Variants in DNAH17 observed in about 807,000 individuals in gnomAD.
DNAH17 encodes dynein axonemal heavy chain 17, also known as axonemal beta dynein heavy chain 17.
A neutral mutation model predicts 485.6 loss-of-function variants in DNAH17; 376 were observed. The ratio of observed to expected loss-of-function variants is 0.77; its 90% CI spans 0.71 to 0.84. The LOEUF is 0.84. Ranked by LOEUF, DNAH17 falls within the 40% of genes least tolerant of loss-of-function variation. The pLI is 0.00. For missense variants in DNAH17, 6,370 were observed against 5,839.3 expected, an observed-to-expected ratio of 1.09 and a Z score of -2.96; for synonymous variants, 3,031 against 2,405.9, an observed-to-expected ratio of 1.26 and a Z score of -7.60.
intron 35 of DNAH17, 127 bp from the exon 36 acceptor site, chr17:78,500,588 A>C: frequency 1.2e-6 from 1 of 866,484 alleles, no homozygotes; most frequent in East Asian, 3.2e-5. Flanking sequence ...GGCTCACTGC[A>C]ACCTCTGCCT....
intron 63 of DNAH17, among the ~76,000 whole-genome samples, chr17:78,455,011 G>A (rs902230928): frequency 1.1e-4 from 16 of 152,136 alleles, no homozygotes; most frequent in Non-Finnish European, 1.9e-4. Flanking sequence ...TCGAGTTCAA[G>A]AGATTCTCCT....
chr17:78,542,143 ACTT>A (rs2091610963), intron 17 of DNAH17, among the ~76,000 whole-genome samples: 2 of 108,934 alleles, frequency 1.8e-5, no homozygotes, highest in African/African-American at 7.3e-5. Flanking sequence ...GCCCTAAAAT[ACTT>A]TTTTTTTTTT....
intron 13 of DNAH17, 22 bp downstream of exon 13, chr17:78,560,718 G>T: frequency 6.5e-7 from 1 of 1,533,654 alleles, no homozygotes; most frequent in African/African-American, 1.4e-5. Context: ...CCTTTGACGC[G>T]GTCCCCACTC....
chr17:78,504,559 G>A (rs776800469), intron 31 of DNAH17, among the ~76,000 whole-genome samples: 9 of 150,530 alleles, frequency 6.0e-5, no homozygotes, highest in Non-Finnish European at 1.0e-4. Context: ...GTTTTCTCGA[G>A]ATTTTTTTTT....
intron 75 of DNAH17, among the ~76,000 whole-genome samples, chr17:78,429,603 G>A (rs988318807): frequency 5.3e-5 from 8 of 152,178 alleles, no homozygotes; most frequent in Admixed American, 1.3e-4. Flanking sequence ...TGCACCTCCC[G>A]TGGGGCAGGT....
chr17:78,541,768 C>T (rs2091595752), intron 17 of DNAH17, among the ~76,000 whole-genome samples: 1 of 152,192 alleles, frequency 6.6e-6, no homozygotes, highest in African/African-American at 2.4e-5. Context: ...TGAAACTTTA[C>T]TAACCCTAAG....
chr17:78,442,633 T>C (rs2087117793), intron 71 of DNAH17, among the ~76,000 whole-genome samples: 1 of 150,904 alleles, frequency 6.6e-6, no homozygotes, highest in Non-Finnish European at 1.5e-5. Flanking sequence ...GCATGCAGGC[T>C]GGGTTCGTCA....
chr17:78,526,789 C>G, intron 23 of DNAH17, 52 bp from the exon 24 acceptor site: 6 of 1,561,970 alleles, frequency 3.8e-6, no homozygotes, highest in Non-Finnish European at 4.4e-6. Context: ...CCACCTGCCC[C>G]AAGGGTGGCC....
chr17:78,538,818 A>AC (rs2091447326), intron 18 of DNAH17, among the ~76,000 whole-genome samples: 1 of 151,790 alleles, frequency 6.6e-6, no homozygotes, highest in Non-Finnish European at 1.5e-5. Flanking sequence ...AACACCATCC[A>AC]CCCTCCCTGG....
chr17:78,570,636 G>T (rs1355498373), intron 6 of DNAH17, among the ~76,000 whole-genome samples: 1 of 151,964 alleles, frequency 6.6e-6, no homozygotes, highest in Non-Finnish European at 1.5e-5. Context: ...GAGGTGGGCG[G>T]ATCATGAGGT....
In DNAH17 at chr17:78,561,976, A is replaced by G. The variant is rs755517423; in HGVS notation, c.1574T>C (p.Leu525Pro). 19 of 1,590,442 alleles carry G rather than the reference A, an allele frequency of 1.2e-5. No homozygotes were observed. Among genetic ancestry groups the G allele is most frequent in the Admixed American group, 1.8e-5 (1 of 56,736 alleles). The change falls in exon 12 of 81, where the codon CTG (leucine) becomes CCG (proline). Residue 525 changes from leucine (L) to proline (P), a missense_variant. Transcript: ENST00000389840. ...CSCIKSSAKL[L>P]YMCGGLMERP... ...CTCCATGAGGCCCCCACACATGTAC[A>G]GGAGCTGAGGACAAAGGAGAAGGGG...
At chr17:78,472,538 A>C (rs942810863) in intron 54 of DNAH17, 1 of 283,476 alleles carries the variant, frequency 3.5e-6, no homozygotes, top group African/African-American at 2.3e-5. Flanking sequence ...GGCTTTCTTC[A>C]TGGGGCAGCC....
chr17:78,474,076 T>C (rs972435220), intron 54 of DNAH17, among the ~76,000 whole-genome samples: 1 of 152,142 alleles, frequency 6.6e-6, no homozygotes, highest in African/African-American at 2.4e-5. Context: ...CTCCCAGAGG[T>C]TGGCCGTCCC....
chr17:78,532,702 A>G lies in DNAH17; in HGVS notation c.2894T>C (p.Met965Thr). Residue 965 changes from methionine (M) to threonine (T), a missense_variant, in exon 20 of 81, where the codon ATG becomes ACG. Coordinates refer to ENST00000389840, the MANE Select transcript of DNAH17 (RefSeq NM_173628.4). ...DLEDNTDLIE[M>T]REEVSSLVIN... is the part of the protein sequence containing the mutation. ...GACCAGGCTGGACACCTCCTCCCTCATCTCTATGAGGTCTGTGTTATCTTC... is the reference window on the plus strand; with the variant it reads ...GACCAGGCTGGACACCTCCTCCCTCGTCTCTATGAGGTCTGTGTTATCTTC... 1 of 1,593,776 alleles carries G rather than the reference A, an allele frequency of 6.3e-7. No homozygotes were observed. Among genetic ancestry groups the G allele is most frequent in the Non-Finnish European group, 8.6e-7 (1 of 1,169,124 alleles).
chr17:78,479,094 T>C lies in DNAH17; in HGVS notation c.7923A>G (p.Ala2641=). 1.2e-6 allele frequency: 2 copies of C among 1,614,002 alleles called. No individual in the cohort carries two copies. Among genetic ancestry groups the C allele is most frequent in the Non-Finnish European group, 1.7e-6 (2 of 1,179,892 alleles). Residue 2641 remains alanine (A), a synonymous_variant, in exon 51 of 81, where the codon GCA becomes GCG. Transcript: ENST00000389840. The part of the protein sequence containing the change: ...AALALHQKIT[A]TFLPTAIKFH... ...ACTTAATGGCCGTGGGAAGAAATGTTGCCGTGATTTTCTGATGCAAAGCTG... is the reference window on the plus strand; with the variant it reads ...ACTTAATGGCCGTGGGAAGAAATGTCGCCGTGATTTTCTGATGCAAAGCTG...
intron 40 of DNAH17, among the ~76,000 whole-genome samples, 197 bp downstream of exon 40, chr17:78,494,396 T>C (rs1413702951): frequency 1.3e-5 from 2 of 151,690 alleles, no homozygotes; most frequent in Non-Finnish European, 2.9e-5. Flanking sequence ...CCAGCCTCAG[T>C]TGAGAGAGTG....
intron 75 of DNAH17, among the ~76,000 whole-genome samples, chr17:78,433,145 G>A (rs988538396): frequency 1.3e-5 from 2 of 152,184 alleles, no homozygotes; most frequent in Non-Finnish European, 2.9e-5. Context: ...GGTTTATAGG[G>A]GTGTGCACCG....
chr17:78,567,717 C>T (rs986039634), intron 9 of DNAH17, among the ~76,000 whole-genome samples: 5 of 152,054 alleles, frequency 3.3e-5, no homozygotes, highest in African/African-American at 7.3e-5. Flanking sequence ...CTCCCTGAAG[C>T]GCTCCCTGAC....
chr17:78,570,208 GAGGGGAGGAAGGGGACCCAGGGGCC>G lies in DNAH17; in HGVS notation c.1044+14_1044+38del. On this transcript the variant is annotated intron_variant, in intron 7 of 80. Coordinates refer to ENST00000389840, the MANE Select transcript of DNAH17 (RefSeq NM_173628.4). ...TGAACCGGGGAGGGGACCCAGCCAG[GAGGGGAGGAAGGGGACCCAGGGGCC>G]AGGGGAGGGTTACCATCTCGATGAT... 1 of 1,548,458 alleles carries G rather than the reference GAGGGGAGGAAGGGGACCCAGGGGCC, an allele frequency of 6.5e-7. No homozygotes were observed. The highest frequency in any genetic ancestry group is 8.7e-7 in the Non-Finnish European group (1 of 1,144,006).
Sources: allele counts gnomAD v4.1 joint callset (sites outside exome capture counted in the v4.1 genomes callset), GRCh38; gene constraint gnomAD v4.1.1; transcripts MANE v1.5; gene names NCBI Gene and HGNC (gene_info 2026-07-23, HGNC 2026-07-21).